The following F2 variants were observed in gnomAD, a reference collection of about 807,000 sequenced individuals.
F2 encodes the protein prothrombin.
Under a neutral mutation model 81.9 loss-of-function variants are expected in F2, and 34 were observed. The ratio of observed to expected loss-of-function variants is 0.42; its 90% CI spans 0.32 to 0.55. F2 has a LOEUF of 0.55. Ranked by LOEUF, F2 falls within the 20% of genes least tolerant of loss-of-function variation. F2 has a pLI of 0.18. For missense variants in F2, 630 were observed against 833.4 expected (o/e 0.76, Z 3.00); for synonymous variants, 296 against 326.4 (o/e 0.91, Z 1.01).
rs779488110 is a variant in F2 at position 46,739,026 on chromosome 11, C to T, written c.1655-22C>T. 1.3e-5 allele frequency: 21 copies of T among 1,613,328 alleles called. No individual in the cohort carries two copies. The Admixed American group carries it at 3.0e-4, about 23-fold the overall frequency. On this transcript the variant is annotated intron_variant, in intron 12 of 13. Transcript: ENST00000311907. ...GGGCTATGAGCTATGCTCCTGAGCA[C>T]AGACGGCTGTTCTCTTTCAAGGTTA...
chr11:46,720,858 G>T lies in F2; in HGVS notation c.316+18G>T. ...TCTGGAAGGTGAGCAACTGACACGG[G>T]TTTGGGGAGCAGGACATGGAGGGGA... On this transcript the variant is annotated intron_variant, in intron 4 of 13. Transcript: ENST00000311907. 6.2e-7 allele frequency: 1 copy of T among 1,613,428 alleles called. No homozygotes were observed. The highest frequency in any genetic ancestry group is 1.1e-5 in the South Asian group (1 of 91,080).
intron 3 of F2, 117 bp downstream of exon 3, chr11:46,720,664 T>G: frequency 1.3e-6 from 2 of 1,498,954 alleles, no homozygotes; most frequent in Non-Finnish European, 1.9e-6. Context: ...CCTTCCCCAC[T>G]CCTTCCTTGG....
At chr11:46,721,022 T>C (rs972409170) in intron 4 of F2, among the ~76,000 whole-genome samples, 182 bp downstream of exon 4, 3 of 151,952 alleles carry the variant, frequency 2.0e-5, no homozygotes, top group African/African-American at 7.2e-5. Flanking sequence ...TGCGAACGAA[T>C]GAATGAATGA....
chr11:46,732,392 T>C (rs907521821), intron 12 of F2, among the ~76,000 whole-genome samples: 2 of 151,350 alleles, frequency 1.3e-5, no homozygotes, highest in Admixed American at 1.3e-4. Context: ...AGGGTTCACC[T>C]TTTTTTTTCT....
rs746134543 is a variant in F2, at chr11:46,739,085, T to A, written c.1692T>A (p.Cys564Ter). Residue 564 changes from cysteine (C) to a stop codon, truncating the protein, a stop_gained, in exon 13 of 14, where the codon TGT becomes TGA. Transcript: ENST00000311907. LOFTEE classifies it high-confidence loss of function. ...KPDEGKRGDA[C>*]EGDSGGPFVM... Reference sequence around the variant, plus strand: ...ATGAAGGGAAACGAGGGGATGCCTGTGAAGGTGACAGTGGGGGACCCTTTG... The same window carrying A: ...ATGAAGGGAAACGAGGGGATGCCTGAGAAGGTGACAGTGGGGGACCCTTTG... The A allele has an allele frequency of 6.2e-7, 1 of 1,614,076 alleles. No individual in the cohort carries two copies. Among genetic ancestry groups the A allele is most frequent in the Non-Finnish European group, 8.5e-7 (1 of 1,180,020 alleles).
intron 12 of F2, among the ~76,000 whole-genome samples, chr11:46,733,696 G>A (rs2134541969): frequency 6.6e-6 from 1 of 151,874 alleles, no homozygotes; most frequent in East Asian, 1.9e-4. Context: ...CAATCTGAGA[G>A]GTGAGAAATA....
chr11:46,725,515 C>G (rs3136460), intron 6 of F2, among the ~76,000 whole-genome samples: 21,383 of 152,140 alleles, frequency 0.14, 2,456 homozygotes, highest in East Asian at 0.59. Context: ...CTAGTGATCC[C>G]AGCAAGCGTC....
chr11:46,720,697 C>T (rs2064830674), intron 3 of F2, 93 bp from the exon 4 acceptor site: 3 of 1,533,832 alleles, frequency 2.0e-6, no homozygotes, highest in South Asian at 2.2e-5. Context: ...GTTCATCCAT[C>T]TTTCTGTTTC....
rs2064872157 is a variant in F2, at chr11:46,726,233, A to G, written c.874+60A>G. 1.3e-6 allele frequency: 2 copies of G among 1,597,050 alleles called. No individual in the cohort carries two copies. Among genetic ancestry groups the G allele is most frequent in the Non-Finnish European group, 1.7e-6 (2 of 1,172,594 alleles). ...GACAAATCCTGGTGGGAATAACAAC[A>G]GCCGCTTCTGCTTATCGAACGCTTA... is the stretch of plus-strand genomic sequence containing the variant. On this transcript the variant is annotated intron_variant, in intron 7 of 13. Coordinates refer to ENST00000311907, the MANE Select transcript of F2 (RefSeq NM_000506.5). This position sits in a 1 kb window ranked among gnomAD's most constrained non-coding sequence, Gnocchi z 5.9.
In F2 at chr11:46,739,379, C is replaced by A. The variant is rs74616944; in HGVS notation, c.1840C>A (p.Gln614Lys). The change falls in exon 14 of 14, where the codon CAG (glutamine) becomes AAG (lysine). Residue 614 changes from glutamine (Q) to lysine (K), a missense_variant. Coordinates refer to ENST00000311907, the MANE Select transcript of F2 (RefSeq NM_000506.5). Reference protein sequence around the residue: ...THVFRLKKWIQKVIDQFGE With the variant: ...THVFRLKKWIKKVIDQFGE ...TGTGTTCCGCCTGAAGAAGTGGATA[C>A]AGAAGGTCATTGATCAGTTTGGAGA... The A allele has an allele frequency of 1.2e-6, 2 of 1,614,138 alleles. No individual in the cohort carries two copies. Among genetic ancestry groups the A allele is most frequent in the South Asian group, 2.2e-5 (2 of 91,088 alleles).
At position 46,719,905 on chromosome 11, in the gene F2, G is replaced by A. The variant is rs1274960184; in HGVS notation, c.240+43G>A. 1.9e-6 allele frequency: 3 copies of A among 1,544,760 alleles called. No individual in the cohort carries two copies. The highest frequency in any genetic ancestry group is 2.7e-5 in the African/African-American group (2 of 73,074). On this transcript the variant is annotated intron_variant, in intron 2 of 13. Coordinates refer to ENST00000311907, the MANE Select transcript of F2 (RefSeq NM_000506.5). The surrounding 1 kb of genome is among the most constrained non-coding windows in gnomAD (Gnocchi z 4.7). ...GGACGGTGCCGGGGCCTCAGACCGG[G>A]CCCAACTCTAGACACTTCCACAGAG...
chr11:46,726,881 G>T lies in F2; in HGVS notation c.1130+44G>T, dbSNP rs1476120667. The T allele has an allele frequency of 1.9e-6, 3 of 1,610,794 alleles. No homozygotes were observed. Among genetic ancestry groups the T allele is most frequent in the Non-Finnish European group, 2.5e-6 (3 of 1,177,630 alleles). On this transcript the variant is annotated intron_variant, in intron 9 of 13. Transcript: ENST00000311907. This position sits in a 1 kb window ranked among gnomAD's most constrained non-coding sequence, Gnocchi z 5.9. Reference sequence around the variant, plus strand: ...CGCTACCATTCACTCCTGGGGGCAGGTGTGCTGCTGGACCCCCACCCTCAG... The same window carrying T: ...CGCTACCATTCACTCCTGGGGGCAGTTGTGCTGCTGGACCCCCACCCTCAG...
intron 12 of F2, among the ~76,000 whole-genome samples, chr11:46,733,141 ACT>A (rs1244178951): frequency 2.0e-5 from 3 of 151,992 alleles, no homozygotes; most frequent in Admixed American, 6.6e-5. Flanking sequence ...CATATTTGTA[ACT>A]CTCTCTGTTG....
intron 12 of F2, among the ~76,000 whole-genome samples, chr11:46,735,335 G>A (rs945951162): frequency 6.6e-6 from 1 of 152,160 alleles, no homozygotes; most frequent in African/African-American, 2.4e-5. Context: ...CAGCTACTCA[G>A]GAGGCTGAGG....
chr11:46,719,213 A>G lies in F2; in HGVS notation c.-23A>G. 6.2e-7 allele frequency: 1 copy of G among 1,613,410 alleles called. No homozygotes were observed. The highest frequency in any genetic ancestry group is 8.5e-7 in the Non-Finnish European group (1 of 1,179,718). ...GAGGGGTCAGGACAGACAATTCCTCAGTGACCCAGGAGCTGACACACTATG... is the reference window on the plus strand; with the variant it reads ...GAGGGGTCAGGACAGACAATTCCTCGGTGACCCAGGAGCTGACACACTATG... On this transcript the variant is annotated 5_prime_UTR_variant, in exon 1 of 14. Coordinates refer to ENST00000311907, the MANE Select transcript of F2 (RefSeq NM_000506.5). This position sits in a 1 kb window ranked among gnomAD's most constrained non-coding sequence, Gnocchi z 4.7.
At chr11:46,724,410 A>G (rs755446806) in intron 6 of F2, among the ~76,000 whole-genome samples, 33 of 152,184 alleles carry the variant, frequency 2.2e-4, no homozygotes, top group Non-Finnish European at 4.1e-4. Context: ...GGTTGGGCCT[A>G]GATCTGCTCC....
rs757486222 is a variant in F2, at chr11:46,719,789, T to C, written c.167T>C (p.Leu56Pro). Residue 56 changes from leucine (L) to proline (P), a missense_variant, in exon 2 of 14, where the codon CTG (leucine) becomes CCG (proline). Physicochemically the swap from Leu to Pro is moderately conservative, Grantham distance 98. Transcript: ENST00000311907. This position sits in a 1 kb window ranked among gnomAD's most constrained non-coding sequence, Gnocchi z 4.7. ...TTGGAGGAGGTGCGCAAGGGCAACC[T>C]GGAGCGAGAGTGCGTGGAGGAGACG... ...TFLEEVRKGNLERECVEETCS... is the reference protein window; with the variant it reads ...TFLEEVRKGNPERECVEETCS... The C allele has an allele frequency of 4.4e-5, 71 of 1,597,258 alleles. No homozygotes were observed. The highest frequency in any genetic ancestry group is 6.0e-5 in the Non-Finnish European group (70 of 1,172,886).
At position 46,729,530 on chromosome 11, in the gene F2, G is replaced by T; in HGVS notation, c.1623G>T (p.Arg541=). The T allele has an allele frequency of 6.2e-7, 1 of 1,613,872 alleles. No homozygotes were observed. The highest frequency in any genetic ancestry group is 8.5e-7 in the Non-Finnish European group (1 of 1,179,794). ...GGCCGGTCTGCAAGGACTCCACCCG[G>T]ATCCGCATCACTGACAACATGTTCT... The part of the protein sequence containing the change: ...VERPVCKDST[R]IRITDNMFCA... Residue 541 remains arginine, a synonymous_variant, in exon 12 of 14, where the codon CGG becomes CGT. Coordinates refer to ENST00000311907, the MANE Select transcript of F2 (RefSeq NM_000506.5).
At chr11:46,730,924 C>T (rs1182944717) in intron 12 of F2, among the ~76,000 whole-genome samples, 1 of 151,676 alleles carries the variant, frequency 6.6e-6, no homozygotes, top group African/African-American at 2.4e-5. Flanking sequence ...TATTAAAACC[C>T]GGAAATTTTT....
Sources: allele counts gnomAD v4.1 joint callset (sites outside exome capture counted in the v4.1 genomes callset), GRCh38; gene constraint gnomAD v4.1.1; non-coding constraint Gnocchi (gnomAD v3.1); transcripts MANE v1.5; gene names NCBI Gene and HGNC (gene_info 2026-07-23, HGNC 2026-07-21).